The following BRINP3 variants were observed in gnomAD, a reference collection of about 807,000 sequenced individuals.
BRINP3 encodes the protein BMP/retinoic acid-inducible neural-specific protein 3.
In BRINP3, 19 loss-of-function variants were observed where a neutral mutation model predicts 71.0. The observed-to-expected ratio is 0.27, with a 90% confidence interval of 0.19 to 0.39. BRINP3 has a LOEUF of 0.39. Ranked by LOEUF, BRINP3 falls within the 10% of genes least tolerant of loss-of-function variation. BRINP3 has a pLI of 1.00. For synonymous variants in BRINP3, 380 were observed against 337.7 expected (o/e 1.13, Z -1.37); for missense variants, 959 against 940.8 (o/e 1.02, Z -0.25).
intron 2 of BRINP3, among the ~76,000 whole-genome samples, chr1:190,314,865 T>C (rs945474246): frequency 9.9e-5 from 15 of 152,162 alleles, no homozygotes; most frequent in Non-Finnish European, 2.1e-4. Flanking sequence ...GAAACATATG[T>C]GCAAGACCCA....
chr1:190,193,166 A>C (rs1428214970), intron 6 of BRINP3, among the ~76,000 whole-genome samples: 2 of 152,088 alleles, frequency 1.3e-5, no homozygotes, highest in Non-Finnish European at 2.9e-5. Context: ...AGTGGCACTG[A>C]ATGACTTAAT....
chr1:190,243,902 C>A (rs1442418861), intron 4 of BRINP3, among the ~76,000 whole-genome samples: 1 of 152,010 alleles, frequency 6.6e-6, no homozygotes, highest in Non-Finnish European at 1.5e-5. Context: ...ACATTAAAGA[C>A]TGATTTTACT....
chr1:190,216,599 C>T (rs915328805), intron 6 of BRINP3, among the ~76,000 whole-genome samples: 9 of 151,674 alleles, frequency 5.9e-5, no homozygotes, highest in Non-Finnish European at 1.2e-4. Context: ...CCAGGACTTG[C>T]CCATTACAGA....
At chr1:190,428,235 CA>C (rs1454350459) in intron 2 of BRINP3, among the ~76,000 whole-genome samples, 7 of 151,914 alleles carry the variant, frequency 4.6e-5, no homozygotes, top group Non-Finnish European at 7.4e-5. Flanking sequence ...CAAGAATTTT[CA>C]TTAACACAAT....
At chr1:190,182,628 A>G (rs1653128242) in intron 6 of BRINP3, among the ~76,000 whole-genome samples, 1 of 152,110 alleles carries the variant, frequency 6.6e-6, no homozygotes, top group Non-Finnish European at 1.5e-5. Context: ...CAGCGAGGTA[A>G]TCTCTGGCTT....
In BRINP3 at chr1:190,260,070, C is replaced by CAA. The variant is rs35994123; in HGVS notation, c.618+4793_618+4794dup. Among the ~76,000 whole-genome samples, 499 of 132,206 alleles carry CAA rather than the reference C, an allele frequency of 3.8e-3. 4 individuals are homozygous for CAA. The highest frequency in any genetic ancestry group is 0.012 in the Middle Eastern group (3 of 256). The allele number at this position is 132,206 out of a possible 152,430, so 86.7% of individuals were successfully genotyped here. ...AAAAAAAGAAGCAACTTAAGAACCA[C>CAA]AAAAAAAAAAAAGAAAAAGAAAAGG... On this transcript the variant is annotated intron_variant, in intron 4 of 7. Transcript: ENST00000367462.
At chr1:190,377,443 T>C (rs888345364) in intron 2 of BRINP3, among the ~76,000 whole-genome samples, 3 of 151,808 alleles carry the variant, frequency 2.0e-5, no homozygotes, top group African/African-American at 7.3e-5. Flanking sequence ...ACCACTTCTA[T>C]CCACCATAAT....
chr1:190,417,637 T>G (rs1673095597), intron 2 of BRINP3, among the ~76,000 whole-genome samples: 1 of 152,136 alleles, frequency 6.6e-6, no homozygotes, highest in African/African-American at 2.4e-5. Context: ...TTTTTAATGC[T>G]AAATAATTGG....
intron 5 of BRINP3, among the ~76,000 whole-genome samples, chr1:190,231,087 G>A (rs1427702406): frequency 6.6e-6 from 1 of 151,518 alleles, no homozygotes; most frequent in Non-Finnish European, 1.5e-5. Context: ...CAGTTCAATA[G>A]AAGTACACTT....
chr1:190,145,273 T>C (rs1655789218), intron 7 of BRINP3, among the ~76,000 whole-genome samples: 2 of 152,176 alleles, frequency 1.3e-5, no homozygotes. Context: ...TCTCAGTAAC[T>C]TTAACTTTTT....
chr1:190,458,107 G>C (rs1467503801), intron 1 of BRINP3, among the ~76,000 whole-genome samples: 1 of 151,826 alleles, frequency 6.6e-6, no homozygotes, highest in African/African-American at 2.4e-5. Flanking sequence ...GTAATTATGA[G>C]GTAATTATCA....
chr1:190,116,585 C>A (rs1169501088), intron 7 of BRINP3, among the ~76,000 whole-genome samples: 1 of 151,976 alleles, frequency 6.6e-6, no homozygotes, highest in Non-Finnish European at 1.5e-5. Context: ...AAATGTTCTT[C>A]CAATATCAGT....
At chr1:190,293,783 C>T (rs1315148612) in intron 2 of BRINP3, among the ~76,000 whole-genome samples, 1 of 152,106 alleles carries the variant, frequency 6.6e-6, no homozygotes, top group Non-Finnish European at 1.5e-5. Context: ...ACTTCGCTCA[C>T]GCTTTTTACA....
At chr1:190,227,242 C>A (rs768421992) in intron 5 of BRINP3, among the ~76,000 whole-genome samples, 31 of 151,598 alleles carry the variant, frequency 2.0e-4, no homozygotes, top group Admixed American at 3.3e-4. Context: ...ACAAAAAAAT[C>A]AATGTTGACC....
chr1:190,325,685 T>A (rs12096195), intron 2 of BRINP3, among the ~76,000 whole-genome samples: 2,329 of 152,152 alleles, frequency 0.015, 57 homozygotes, highest in African/African-American at 0.053. Context: ...CAGAAGACAG[T>A]TGTATAATAT....
At chr1:190,215,845 T>G (rs1656366221) in intron 6 of BRINP3, among the ~76,000 whole-genome samples, 1 of 151,884 alleles carries the variant, frequency 6.6e-6, no homozygotes, top group Non-Finnish European at 1.5e-5. Flanking sequence ...CCTTAGATAT[T>G]CTATATGCCA....
At chr1:190,387,358 G>T (rs1410457480) in intron 2 of BRINP3, among the ~76,000 whole-genome samples, 2 of 151,954 alleles carry the variant, frequency 1.3e-5, no homozygotes, top group African/African-American at 2.4e-5. Context: ...AAACTAATAT[G>T]ACAAGCTAGC....
chr1:190,329,621 A>AT (rs931676360), intron 2 of BRINP3, among the ~76,000 whole-genome samples: 14 of 151,990 alleles, frequency 9.2e-5, no homozygotes, highest in Non-Finnish European at 1.6e-4. Context: ...TACCAATATT[A>AT]TTTTTTTCAC....
chr1:190,108,786 C>T (rs1034199230), intron 7 of BRINP3, among the ~76,000 whole-genome samples: 1 of 151,380 alleles, frequency 6.6e-6, no homozygotes, highest in Non-Finnish European at 1.5e-5. Flanking sequence ...TCTCACTAAC[C>T]AAAATATCAT....
Sources: allele counts gnomAD v4.1 joint callset (sites outside exome capture counted in the v4.1 genomes callset), GRCh38; gene constraint gnomAD v4.1.1; transcripts MANE v1.5; gene names NCBI Gene and HGNC (gene_info 2026-07-23, HGNC 2026-07-21).